Variants in RASA1 observed in about 807,000 individuals in gnomAD.
RASA1 encodes ras GTPase-activating protein 1.
Under a neutral mutation model 132.2 loss-of-function variants are expected in RASA1, and 25 were observed. That is an observed-to-expected ratio of 0.19 (90% confidence interval 0.14 to 0.26). RASA1 has a LOEUF of 0.26. RASA1 is among the 10% of genes least tolerant of loss of function. The pLI, the probability that RASA1 is intolerant of heterozygous loss-of-function variation, is 1.00. For synonymous variants in RASA1, 477 were observed against 449.9 expected (o/e 1.06, Z -0.76); for missense variants, 964 against 1,299.2 (o/e 0.74, Z 3.97).
At chr5:87,318,943 G>C (rs140133316) in intron 1 of RASA1, 1 of 152,264 alleles carries the variant, frequency 6.6e-6, no homozygotes, top group Non-Finnish European at 1.5e-5. Flanking sequence ...TACAATGAGA[G>C]TACAGGGAAT....
chr5:87,280,419 T>C (rs567122596), intron 1 of RASA1, among the ~76,000 whole-genome samples: 1 of 152,256 alleles, frequency 6.6e-6, no homozygotes, highest in East Asian at 1.9e-4. Flanking sequence ...TTCAAGCGAT[T>C]TTCCTGCCTC....
At chr5:87,346,373 A>G (rs1213015426) in intron 6 of RASA1, among the ~76,000 whole-genome samples, 1 of 151,988 alleles carries the variant, frequency 6.6e-6, no homozygotes, top group Admixed American at 6.6e-5. Context: ...ACCCCACAAA[A>G]AGAAAAAAAA....
intron 1 of RASA1, chr5:87,299,645 GT>G (rs36026598): frequency 6.1e-5 from 8 of 130,278 alleles, no homozygotes; most frequent in African/African-American, 2.2e-4. Context: ...ATAGTTAACC[GT>G]TTGTGTGTGT....
intron 8 of RASA1, among the ~76,000 whole-genome samples, chr5:87,352,669 C>A (rs1000916317): frequency 5.3e-5 from 8 of 150,854 alleles, no homozygotes; most frequent in African/African-American, 1.9e-4. Flanking sequence ...TTTTTTTCTT[C>A]TTTTTGCCTG....
intron 6 of RASA1, among the ~76,000 whole-genome samples, chr5:87,342,300 C>T (rs908891160): frequency 5.9e-5 from 9 of 151,792 alleles, no homozygotes; most frequent in East Asian, 3.9e-4. Context: ...CTGGGACCAC[C>T]GGCGCACAAC....
chr5:87,391,753 A>G lies in RASA1; in HGVS notation c.*870A>G, dbSNP rs919749719. On this transcript the variant is annotated 3_prime_UTR_variant, in exon 25 of 25. Coordinates refer to ENST00000274376, the MANE Select transcript of RASA1 (RefSeq NM_002890.3). ...TTGTGCTACCCCTTTGATTATGCAG[A>G]CAACCTCATCAGCTGCCTAACTTAT... The G allele has an allele frequency of 3.0e-5, 7 of 232,580 alleles. No homozygotes were observed. Among genetic ancestry groups the G allele is most frequent in the African/African-American group, 1.5e-4 (7 of 45,258 alleles). 14.4% of individuals were successfully genotyped at this position (232,580 alleles called of 1,614,324 possible). A position where few individuals can be genotyped will look rare whatever the true frequency, so the allele number is the denominator to read the frequency against.
At chr5:87,360,129 T>TG (rs1330815922) in intron 9 of RASA1, among the ~76,000 whole-genome samples, 1 of 151,582 alleles carries the variant, frequency 6.6e-6, no homozygotes, top group Admixed American at 6.6e-5. Flanking sequence ...ATGCAGTTTT[T>TG]TTTTTTTTTT....
At chr5:87,337,336 A>G (rs530366447) in intron 4 of RASA1, among the ~76,000 whole-genome samples, 2 of 152,164 alleles carry the variant, frequency 1.3e-5, no homozygotes, top group Admixed American at 1.3e-4. Flanking sequence ...GAAAAAAAAC[A>G]TACATTCCTT....
At chr5:87,318,218 C>G (rs951632243) in intron 1 of RASA1, among the ~76,000 whole-genome samples, 2 of 152,048 alleles carry the variant, frequency 1.3e-5, no homozygotes, top group African/African-American at 4.8e-5. Context: ...ATGCAAAGCA[C>G]TGTACTAAGA....
chr5:87,330,920 C>A (rs1253102519), intron 1 of RASA1: 2 of 1,380,062 alleles, frequency 1.4e-6, no homozygotes, highest in Non-Finnish European at 1.9e-6. Flanking sequence ...TGGAATAAAA[C>A]ATTTTATATT....
chr5:87,305,212 C>G (rs747997542), intron 1 of RASA1, among the ~76,000 whole-genome samples: 4 of 152,022 alleles, frequency 2.6e-5, no homozygotes, highest in African/African-American at 4.8e-5. Flanking sequence ...TGCCAAAGAA[C>G]GAAACTGGAG....
chr5:87,350,636 A>G (rs1023505595), intron 8 of RASA1, among the ~76,000 whole-genome samples: 4 of 151,632 alleles, frequency 2.6e-5, no homozygotes, highest in Non-Finnish European at 4.4e-5. Flanking sequence ...GTTGCTGAAC[A>G]CCATGATGGA....
intron 1 of RASA1, among the ~76,000 whole-genome samples, chr5:87,273,011 G>A (rs1034888562): frequency 6.6e-6 from 1 of 152,184 alleles, no homozygotes; most frequent in Non-Finnish European, 1.5e-5. Context: ...TATTAAGGGG[G>A]TTTAGGTCAC....
intron 1 of RASA1, among the ~76,000 whole-genome samples, chr5:87,321,972 T>C (rs2112338095): frequency 6.6e-6 from 1 of 152,218 alleles, no homozygotes; most frequent in East Asian, 1.9e-4. Flanking sequence ...ACACCAAACA[T>C]TGTAATAAAA....
At chr5:87,353,781 T>C (rs890071911) in intron 9 of RASA1, among the ~76,000 whole-genome samples, 1 of 152,028 alleles carries the variant, frequency 6.6e-6, no homozygotes, top group Non-Finnish European at 1.5e-5. Flanking sequence ...CAAAAGTGAA[T>C]AGAATCTAGA....
At chr5:87,292,884 A>G (rs1448017215) in intron 1 of RASA1, among the ~76,000 whole-genome samples, 1 of 152,104 alleles carries the variant, frequency 6.6e-6, no homozygotes, top group Non-Finnish European at 1.5e-5. Flanking sequence ...ATACCTAAGT[A>G]TTTCATTTTT....
At chr5:87,320,539 CAGG>C (rs1756712184) in intron 1 of RASA1, among the ~76,000 whole-genome samples, 2 of 152,136 alleles carry the variant, frequency 1.3e-5, no homozygotes, top group Non-Finnish European at 2.9e-5. Context: ...CACATGGTGA[CAGG>C]AGACAGAGAG....
intron 1 of RASA1, among the ~76,000 whole-genome samples, chr5:87,278,222 G>T (rs1754151852): frequency 6.6e-6 from 1 of 151,850 alleles, no homozygotes; most frequent in African/African-American, 2.4e-5. Context: ...TTATTTTGAG[G>T]TAATTGTAGA....
At chr5:87,326,767 T>C (rs1757260924) in intron 1 of RASA1, among the ~76,000 whole-genome samples, 1 of 152,166 alleles carries the variant, frequency 6.6e-6, no homozygotes, top group South Asian at 2.1e-4. Flanking sequence ...GAATTTCTAG[T>C]TTATTAATAG....
Sources: gnomAD v4.1 joint callset for allele counts (sites outside exome capture counted in the v4.1 genomes callset) on GRCh38, gnomAD v4.1.1 for gene constraint, MANE v1.5 for transcripts, NCBI Gene and HGNC (gene_info 2026-07-23, HGNC 2026-07-21) for gene names.